Variants in BET1 observed in about 807,000 individuals in gnomAD.
BET1 encodes Bet1 golgi vesicular membrane trafficking protein, also known as BET1 homolog.
Under a neutral mutation model 13.9 loss-of-function variants are expected in BET1, and 9 were observed. The observed-to-expected ratio is 0.65, with a 90% CI of 0.39 to 1.13. BET1 has a LOEUF of 1.13. Ranked by LOEUF, BET1 falls within the 50% of genes most tolerant of loss-of-function variation. The pLI is 0.01. For synonymous variants in BET1, 39 were observed against 47.3 expected, an observed-to-expected ratio of 0.82 and a Z score of 0.72; for missense variants, 127 against 133.6, an observed-to-expected ratio of 0.95 and a Z score of 0.24.
At chr7:93,966,599 T>A (rs955007212) in intron 6 of BET1, among the ~76,000 whole-genome samples, 2 of 149,290 alleles carry the variant, frequency 1.3e-5, no homozygotes, top group African/African-American at 5.0e-5. Flanking sequence ...CCAGGAAAAA[T>A]TCCTCTTTTT....
At chr7:93,988,144 A>G (rs1487352627) in intron 4 of BET1, among the ~76,000 whole-genome samples, 1 of 152,188 alleles carries the variant, frequency 6.6e-6, no homozygotes, top group Non-Finnish European at 1.5e-5. Flanking sequence ...CCAAAGCATC[A>G]ATTTATTCAG....
downstream of BET1, chr7:93,991,812 A>ACT (rs1562805495): frequency 1.0e-6 from 1 of 968,650 alleles, no homozygotes; most frequent in East Asian, 1.1e-4. Flanking sequence ...TCATCAGTAT[A>ACT]GAATGATGAC....
intron 4 of BET1, among the ~76,000 whole-genome samples, chr7:93,977,891 T>C (rs1380545913): frequency 6.6e-6 from 1 of 152,126 alleles, no homozygotes; most frequent in Non-Finnish European, 1.5e-5. Context: ...GACGGTTTCA[T>C]TGAATCCTTT....
intron 4 of BET1, among the ~76,000 whole-genome samples, chr7:93,976,320 A>T (rs983146228): frequency 6.7e-6 from 1 of 150,330 alleles, no homozygotes; most frequent in African/African-American, 2.5e-5. Flanking sequence ...TTTTCACAGG[A>T]TACATTTTAA....
chr7:93,992,666 A>C (rs1195248965), downstream of BET1: 1 of 985,170 alleles, frequency 1.0e-6, no homozygotes, highest in East Asian at 1.1e-4. Context: ...CTTGTCCTTA[A>C]AATAACTACC....
At chr7:93,996,344 A>T in intron 2 of BET1, 23 bp from the exon 3 acceptor site, 1 of 1,474,134 alleles carries the variant, frequency 6.8e-7, no homozygotes, top group Non-Finnish European at 9.2e-7. Context: ...AGGTATACAC[A>T]GGATTACTCA....
chr7:93,971,867 T>C (rs1795263201), intron 6 of BET1, among the ~76,000 whole-genome samples: 1 of 151,484 alleles, frequency 6.6e-6, no homozygotes, highest in African/African-American at 2.4e-5. Context: ...ATTTTAAAGG[T>C]GCAGATAAAT....
downstream of BET1, chr7:93,993,073 C>A (rs190507666): frequency 6.3e-4 from 621 of 980,232 alleles, 7 homozygotes; most frequent in African/African-American, 0.01. Context: ...ATTCATAACC[C>A]AAAATATAAA....
chr7:93,983,199 T>A (rs1795458257), intron 4 of BET1, among the ~76,000 whole-genome samples: 1 of 152,202 alleles, frequency 6.6e-6, no homozygotes, highest in Admixed American at 6.6e-5. Context: ...TTCCTATCAC[T>A]GATAGAAAAA....
At chr7:93,965,356 G>A (rs913990137) in exon 7 of BET1, 4 of 151,880 alleles carry the variant, frequency 2.6e-5, no homozygotes, top group African/African-American at 7.3e-5. Flanking sequence ...CAAAGGTAAA[G>A]ATTCAAGTGA....
At chr7:93,984,449 C>A (rs2116077411) in intron 4 of BET1, among the ~76,000 whole-genome samples, 1 of 152,130 alleles carries the variant, frequency 6.6e-6, no homozygotes, top group South Asian at 2.1e-4. Flanking sequence ...AGTACTGTTA[C>A]AATGTCATTC....
chr7:93,974,834 A>T (rs1795311952), intron 5 of BET1, among the ~76,000 whole-genome samples: 1 of 152,064 alleles, frequency 6.6e-6, no homozygotes, highest in Non-Finnish European at 1.5e-5. Context: ...ATTAAAAAAG[A>T]AATATAGTAA....
intron 6 of BET1, among the ~76,000 whole-genome samples, chr7:93,966,378 T>C (rs906510283): frequency 6.6e-6 from 1 of 152,028 alleles, no homozygotes; most frequent in African/African-American, 2.4e-5. Flanking sequence ...ATACATGAAA[T>C]ACTTTTAATG....
At chr7:93,983,590 G>A (rs1562802945) in intron 4 of BET1, among the ~76,000 whole-genome samples, 1 of 151,956 alleles carries the variant, frequency 6.6e-6, no homozygotes, top group African/African-American at 2.4e-5. Flanking sequence ...ATTGTAGTGG[G>A]AAAAAAATGC....
chr7:93,976,060 T>C (rs1385792988), exon 5 of BET1: 2 of 1,275,288 alleles, frequency 1.6e-6, no homozygotes, highest in Non-Finnish European at 2.0e-6. Context: ...GAAGTAGGCT[T>C]TCACTGCTAC....
intron 6 of BET1, among the ~76,000 whole-genome samples, chr7:93,969,939 C>A (rs1795232969): frequency 6.6e-6 from 1 of 151,720 alleles, no homozygotes; most frequent in South Asian, 2.1e-4. Flanking sequence ...TGAAATCAAT[C>A]TTGGATAAGT....
intron 4 of BET1, among the ~76,000 whole-genome samples, chr7:93,986,814 A>G (rs575332791): frequency 6.6e-6 from 1 of 152,306 alleles, no homozygotes; most frequent in South Asian, 2.1e-4. Flanking sequence ...TGATGTAGCT[A>G]TTGTAACATC....
In BET1 at chr7:93,999,182, A is replaced by C. The variant is rs1159660818; in HGVS notation, c.132T>G (p.Thr44=). The C allele has an allele frequency of 6.2e-7, 1 of 1,611,906 alleles. No homozygotes were observed. Among genetic ancestry groups the C allele is most frequent in the African/African-American group, 1.3e-5 (1 of 75,034 alleles). Reference sequence around the variant, plus strand: ...GTTATATACTTACAGATTTTATAGCAGTTACTTTGCTTCTCAGACTTTCAG... The same window carrying C: ...GTTATATACTTACAGATTTTATAGCCGTTACTTTGCTTCTCAGACTTTCAG... ...RLTESLRSKV[T]AIKSLSIEIG... The change falls in exon 2 of 4, where the codon ACT becomes ACG. Residue 44 remains threonine, a synonymous_variant. Transcript: ENST00000222547.
At chr7:93,980,871 T>A (rs1192936597) in intron 4 of BET1, among the ~76,000 whole-genome samples, 2 of 152,146 alleles carry the variant, frequency 1.3e-5, no homozygotes, top group African/African-American at 4.8e-5. Context: ...GGAGTTCTCA[T>A]TTTACCATTT....
Sources: gnomAD v4.1 joint callset for allele counts (sites outside exome capture counted in the v4.1 genomes callset) on GRCh38, gnomAD v4.1.1 for gene constraint, MANE v1.5 for transcripts, NCBI Gene and HGNC (gene_info 2026-07-23, HGNC 2026-07-21) for gene names.